The following TAX1BP1 variants were observed in gnomAD, a reference collection of about 807,000 sequenced individuals.
TAX1BP1 encodes the protein tax1-binding protein 1.
TAX1BP1 carries 62 observed loss-of-function variants against 97.7 expected under a neutral mutation model. The ratio of observed to expected loss-of-function variants is 0.63; its 90% confidence interval spans 0.52 to 0.78. The LOEUF is 0.78. Ranked by LOEUF, TAX1BP1 falls within the 30% of genes least tolerant of loss-of-function variation. TAX1BP1 has a pLI of 0.00. For synonymous variants in TAX1BP1, 340 were observed against 304.2 expected (o/e 1.12, Z -1.23); for missense variants, 867 against 916.1 (o/e 0.95, Z 0.69).
intron 15 of TAX1BP1, among the ~76,000 whole-genome samples, chr7:27,822,161 C>T (rs1284326094): frequency 6.6e-6 from 1 of 152,148 alleles, no homozygotes; most frequent in African/African-American, 2.4e-5. Flanking sequence ...TGAAGTATTA[C>T]AAAATCTGAG....
intron 1 of TAX1BP1, among the ~76,000 whole-genome samples, chr7:27,741,734 GAC>G (rs778537209): frequency 2.0e-5 from 3 of 152,136 alleles, no homozygotes; most frequent in Admixed American, 6.5e-5. Context: ...AAAAGAAAAA[GAC>G]ACAAAGTACA....
At chr7:27,778,101 C>T (rs373997163) in intron 5 of TAX1BP1, among the ~76,000 whole-genome samples, 4 of 152,114 alleles carry the variant, frequency 2.6e-5, no homozygotes, top group Admixed American at 1.3e-4. Context: ...TTTTTCTGCA[C>T]GTATTTGGCA....
intron 5 of TAX1BP1, among the ~76,000 whole-genome samples, chr7:27,783,797 C>A (rs919994736): frequency 6.6e-6 from 1 of 152,108 alleles, no homozygotes; most frequent in Non-Finnish European, 1.5e-5. Flanking sequence ...TATTTAGAAA[C>A]CTCTCTGGCC....
intron 1 of TAX1BP1, among the ~76,000 whole-genome samples, chr7:27,742,180 T>G (rs1482446301): frequency 1.3e-5 from 2 of 152,230 alleles, no homozygotes; most frequent in East Asian, 3.9e-4. Flanking sequence ...CTTATACTAA[T>G]CCTCCTCAGC....
At chr7:27,780,462 A>T (rs1345608451) in intron 5 of TAX1BP1, among the ~76,000 whole-genome samples, 4 of 152,208 alleles carry the variant, frequency 2.6e-5, no homozygotes, top group Non-Finnish European at 4.4e-5. Flanking sequence ...CCATGTGCTC[A>T]TCAAATGAGA....
At position 27,748,541 on chromosome 7, in the gene TAX1BP1, A is replaced by T; in HGVS notation, c.17A>T (p.Glu6Val). 1 of 1,592,692 alleles carries T rather than the reference A, an allele frequency of 6.3e-7. No homozygotes were observed. Among genetic ancestry groups the T allele is most frequent in the Non-Finnish European group, 8.6e-7 (1 of 1,168,024 alleles). MTSFQEVPLQTSNFAH... is the reference protein window; with the variant it reads MTSFQVVPLQTSNFAH... ...AGATTCACAATGACATCCTTTCAAG[A>T]AGTCCCATTGCAGACTTCCAACTTT... The change falls in exon 2 of 17, where the codon GAA becomes GTA. Residue 6 changes from glutamate to valine, a missense_variant. By Grantham distance (121) the Glu-to-Val change is moderately radical. Coordinates refer to ENST00000396319, the MANE Select transcript of TAX1BP1 (RefSeq NM_006024.7).
At chr7:27,799,869 TATA>T in intron 12 of TAX1BP1, 93 bp from the exon 13 acceptor site, 3 of 921,612 alleles carry the variant, frequency 3.3e-6, no homozygotes, top group Non-Finnish European at 4.6e-6. Context: ...ACAACAGTGT[TATA>T]ATAAATGTTC....
chr7:27,769,587 A>AT (rs1410805318), intron 4 of TAX1BP1, 89 bp from the exon 5 acceptor site: 75 of 1,099,312 alleles, frequency 6.8e-5, no homozygotes, highest in East Asian at 7.9e-5. Flanking sequence ...TGTCTTCATT[A>AT]TTTTTTTTGG....
chr7:27,772,549 C>CA (rs1788884410), intron 5 of TAX1BP1: 1 of 151,596 alleles, frequency 6.6e-6, no homozygotes, highest in Admixed American at 6.6e-5. Context: ...CCATACTTGA[C>CA]AAAAAATAAA....
intron 5 of TAX1BP1, among the ~76,000 whole-genome samples, chr7:27,784,328 AT>A (rs1321523553): frequency 6.6e-6 from 1 of 152,186 alleles, no homozygotes; most frequent in Non-Finnish European, 1.5e-5. Context: ...ATACACTGTT[AT>A]ATTTGAGTCT....
chr7:27,779,548 G>A (rs1164078333), intron 5 of TAX1BP1, among the ~76,000 whole-genome samples: 1 of 152,204 alleles, frequency 6.6e-6, no homozygotes, highest in Non-Finnish European at 1.5e-5. Flanking sequence ...GGTATGATCA[G>A]TGATGCATAT....
In TAX1BP1 at chr7:27,748,506, T is replaced by A; in HGVS notation, c.-7-12T>A. Reference sequence around the variant, plus strand: ...TTGGTATAATTTAACTTGTATGAATTACTTGTTTCAGATTCACAATGACAT... The same window carrying A: ...TTGGTATAATTTAACTTGTATGAATAACTTGTTTCAGATTCACAATGACAT... On this transcript the variant is annotated splice_polypyrimidine_tract_variant and intron_variant, in intron 1 of 16. Coordinates refer to ENST00000396319, the MANE Select transcript of TAX1BP1 (RefSeq NM_006024.7). 6.4e-7 allele frequency: 1 copy of A among 1,562,014 alleles called. No individual in the cohort carries two copies.
At chr7:27,750,554 T>C (rs1351416998) in intron 2 of TAX1BP1, among the ~76,000 whole-genome samples, 1 of 152,174 alleles carries the variant, frequency 6.6e-6, no homozygotes, top group African/African-American at 2.4e-5. Context: ...AGGGAAGTTG[T>C]GGGAGATGAG....
At position 27,787,405 on chromosome 7, in the gene TAX1BP1, A is replaced by G; in HGVS notation, c.853-13A>G. 1 of 1,575,196 alleles carries G rather than the reference A, an allele frequency of 6.3e-7. No homozygotes were observed. Among genetic ancestry groups the G allele is most frequent in the Non-Finnish European group, 8.6e-7 (1 of 1,164,496 alleles). On this transcript the variant is annotated splice_polypyrimidine_tract_variant and intron_variant, in intron 7 of 16. Coordinates refer to ENST00000396319, the MANE Select transcript of TAX1BP1 (RefSeq NM_006024.7). ...AGTTAGAATATTCTTGACATTTTCA[A>G]ACACCATTACAGGTACATTTGAAGA... is the stretch of plus-strand genomic sequence containing the variant.
intron 4 of TAX1BP1, among the ~76,000 whole-genome samples, chr7:27,766,312 C>T (rs888217873): frequency 6.6e-6 from 1 of 151,190 alleles, no homozygotes; most frequent in African/African-American, 2.4e-5. Flanking sequence ...CCCAGCTACT[C>T]GGGAGGCTGA....
rs1027728246 is a variant in TAX1BP1 at position 27,813,574 on chromosome 7, A to G, written c.1765-2775A>G. Among the ~76,000 whole-genome samples, 7 of 152,072 alleles carry G rather than the reference A, an allele frequency of 4.6e-5. 1 individual carries two copies. ...TTGCCATGTTGCCCAGGCTGGGCTC[A>G]AGTGATCCACCCAGAGCCTCACAAG... On this transcript the variant is annotated intron_variant, in intron 13 of 16. Transcript: ENST00000396319.
At chr7:27,779,702 T>C (rs1281668893) in intron 5 of TAX1BP1, among the ~76,000 whole-genome samples, 1 of 152,200 alleles carries the variant, frequency 6.6e-6, no homozygotes, top group African/African-American at 2.4e-5. Context: ...TTTTTGTTGT[T>C]CTTAATGTAA....
intron 1 of TAX1BP1, among the ~76,000 whole-genome samples, chr7:27,747,113 C>T (rs939605178): frequency 1.3e-5 from 2 of 152,136 alleles, no homozygotes; most frequent in African/African-American, 2.4e-5. Flanking sequence ...TTAGCAAAAA[C>T]CTTGCCCCAG....
chr7:27,796,579 C>T (rs1000795905), intron 12 of TAX1BP1, among the ~76,000 whole-genome samples: 2 of 152,142 alleles, frequency 1.3e-5, no homozygotes, highest in African/African-American at 4.8e-5. Context: ...TTACTATTAT[C>T]GGCCAGGTGC....
Sources: allele counts gnomAD v4.1 joint callset (sites outside exome capture counted in the v4.1 genomes callset), GRCh38; gene constraint gnomAD v4.1.1; transcripts MANE v1.5; gene names NCBI Gene and HGNC (gene_info 2026-07-23, HGNC 2026-07-21).